ZNF248: variants seen among roughly 807,000 people sequenced by gnomAD.
ZNF248 encodes zinc finger protein 248, also known as KRAB protein domain.
Under a neutral mutation model 44.3 loss-of-function variants are expected in ZNF248, and 20 were observed. The observed-to-expected ratio is 0.45, with a 90% CI of 0.32 to 0.66. The LOEUF (loss-of-function observed/expected upper bound fraction) is 0.66. Ranked by LOEUF, ZNF248 falls within the 30% of genes least tolerant of loss-of-function variation. The pLI is 0.04. For synonymous variants in ZNF248, 224 were observed against 229.0 expected (o/e 0.98, Z 0.20); for missense variants, 654 against 677.0 (o/e 0.97, Z 0.38).
intron 6 of ZNF248, among the ~76,000 whole-genome samples, chr10:37,808,124 C>T (rs1403983275): frequency 6.6e-6 from 1 of 151,822 alleles, no homozygotes; most frequent in African/African-American, 2.4e-5. Flanking sequence ...CATGTTTTTC[C>T]CTCCATTCTA....
Position 37,787,463 on chromosome 10 carries a change from C to A in ZNF248, c.331-10888G>T, listed in dbSNP as rs899648776. 3.3e-5 allele frequency among the ~76,000 whole-genome samples: 5 copies of A among 151,738 alleles called. No individual in the cohort carries two copies. The East Asian group carries it at 9.7e-4, about 29-fold the overall frequency. ...TGCTATGTGTCACTGGTCAACTGAT[C>A]TTTTTTCCTGTTTTGCTTTTGTATG... On this transcript the variant is annotated intron_variant, in intron 6 of 6. Coordinates refer to the ZNF248 transcript ENST00000615949.
chr10:37,852,677 T>C (rs1033343626), intron 3 of ZNF248, among the ~76,000 whole-genome samples: 1 of 148,788 alleles, frequency 6.7e-6, no homozygotes, highest in Non-Finnish European at 1.5e-5. Flanking sequence ...TATATATTTA[T>C]ATATGTTATA....
chr10:37,813,022 A>T (rs773074187), intron 6 of ZNF248, among the ~76,000 whole-genome samples: 1 of 147,716 alleles, frequency 6.8e-6, no homozygotes. Flanking sequence ...GATATGGCAA[A>T]AAGAAAAAAA....
At chr10:37,765,031 G>C in the ZNF248 span, among the ~76,000 whole-genome samples, 2 of 151,918 alleles carry the variant, frequency 1.3e-5, no homozygotes, top group Non-Finnish European at 2.9e-5. Context: ...TGCAATCTTG[G>C]CTCACCGCAA....
At chr10:37,852,776 TTTTA>T (rs1187175929) in intron 3 of ZNF248, among the ~76,000 whole-genome samples, 3 of 151,360 alleles carry the variant, frequency 2.0e-5, no homozygotes, top group East Asian at 1.9e-4. Flanking sequence ...CATTTTGTGT[TTTTA>T]TTTAATTTAG....
At chr10:37,768,949 G>A in the ZNF248 span, among the ~76,000 whole-genome samples, 9 of 152,158 alleles carry the variant, frequency 5.9e-5, no homozygotes, top group Admixed American at 3.9e-4. Flanking sequence ...TATCACCACT[G>A]ATCCCATAGA....
intron 3 of ZNF248, among the ~76,000 whole-genome samples, chr10:37,845,015 T>C (rs2059076274): frequency 2.3e-5 from 1 of 43,578 alleles, no homozygotes; most frequent in Non-Finnish European, 5.0e-5. Flanking sequence ...TTCTCTCTCT[T>C]TCTTTCTTGT....
intron 3 of ZNF248, 142 bp downstream of exon 3, chr10:37,856,154 T>C (rs1473904130): frequency 1.1e-6 from 1 of 884,812 alleles, no homozygotes; most frequent in African/African-American, 1.7e-5. Flanking sequence ...AACTGCACTA[T>C]TTTGGATTTG....
upstream of ZNF248, chr10:37,857,849 C>T (rs1206867178): frequency 6.6e-6 from 1 of 152,492 alleles, no homozygotes; most frequent in East Asian, 1.9e-4. Context: ...CGCGTTCCCA[C>T]GCCAGACCTC....
At chr10:37,808,458 A>T (rs1208688) in intron 6 of ZNF248, among the ~76,000 whole-genome samples, 9,098 of 151,396 alleles carry the variant, frequency 0.06, 354 homozygotes, top group Middle Eastern at 0.096. Flanking sequence ...GATTTTTTTT[A>T]ATTTTTAGTA....
At chr10:37,776,885 G>T (rs111738830) in intron 6 of ZNF248, among the ~76,000 whole-genome samples, 3 of 152,062 alleles carry the variant, frequency 2.0e-5, no homozygotes, top group Non-Finnish European at 2.9e-5. Flanking sequence ...CCCTCAGACC[G>T]TCAGTTTTCT....
intron 5 of ZNF248, among the ~76,000 whole-genome samples, chr10:37,835,948 G>A (rs184955503): frequency 6.6e-6 from 1 of 152,178 alleles, no homozygotes; most frequent in Admixed American, 6.5e-5. Context: ...TCCAACTTCT[G>A]GTGTTCAAAA....
chr10:37,850,404 T>C (rs1371262196), intron 3 of ZNF248, among the ~76,000 whole-genome samples: 1 of 152,212 alleles, frequency 6.6e-6, no homozygotes, highest in Non-Finnish European at 1.5e-5. Context: ...GAAATTCCTA[T>C]CAAACTCCCA....
intron 3 of ZNF248, 24 bp from the exon 4 acceptor site, chr10:37,838,135 A>T (rs764320530): frequency 6.2e-7 from 1 of 1,600,808 alleles, no homozygotes; most frequent in East Asian, 2.2e-5. Flanking sequence ...CTCTTTTTAC[A>T]TGAAATGGTC....
chr10:37,819,002 G>C, intron 6 of ZNF248: 1 of 923,612 alleles, frequency 1.1e-6, no homozygotes, highest in Non-Finnish European at 1.8e-6. Context: ...ATTGCAATAA[G>C]TGCCAGCACC....
chr10:37,851,179 G>T (rs1339655392), intron 3 of ZNF248, among the ~76,000 whole-genome samples: 3 of 152,142 alleles, frequency 2.0e-5, no homozygotes, highest in Non-Finnish European at 4.4e-5. Flanking sequence ...TGAGCTGAAG[G>T]CAAGAAGTAG....
intron 6 of ZNF248, among the ~76,000 whole-genome samples, chr10:37,797,458 C>T (rs2049287417): frequency 6.6e-6 from 1 of 151,974 alleles, no homozygotes; most frequent in South Asian, 2.1e-4. Context: ...ATAAATTGAA[C>T]ATCAACAAAA....
chr10:37,773,136 C>T (rs372396103), downstream of ZNF248, among the ~76,000 whole-genome samples: 3 of 152,294 alleles, frequency 2.0e-5, no homozygotes, highest in East Asian at 5.8e-4. Flanking sequence ...ATCCCAGCTA[C>T]TCAGGAGGCT....
At chr10:37,801,182 C>T (rs1422670087) in intron 6 of ZNF248, among the ~76,000 whole-genome samples, 2 of 151,870 alleles carry the variant, frequency 1.3e-5, no homozygotes, top group Non-Finnish European at 2.9e-5. Flanking sequence ...CGAGACCATC[C>T]TGGCTAACAT....
Sources: gnomAD v4.1 joint callset for allele counts (sites outside exome capture counted in the v4.1 genomes callset) on GRCh38, gnomAD v4.1.1 for gene constraint, MANE v1.5 for transcripts, NCBI Gene and HGNC (gene_info 2026-07-23, HGNC 2026-07-21) for gene names.